Variants in MAST3 observed in about 807,000 individuals in gnomAD.
MAST3 encodes the protein microtubule-associated serine/threonine-protein kinase 3.
In MAST3, 43 loss-of-function variants were observed where a neutral mutation model predicts 127.0. The ratio of observed to expected loss-of-function variants is 0.34; its 90% CI spans 0.27 to 0.44. The LOEUF (loss-of-function observed/expected upper bound fraction) is 0.44. MAST3 is among the 20% of genes least tolerant of loss of function. The pLI, the probability that MAST3 is intolerant of heterozygous loss-of-function variation, is 1.00. For missense variants in MAST3, 1,390 were observed against 1,919.1 expected, an observed-to-expected ratio of 0.72 and a Z score of 5.15; for synonymous variants, 785 against 809.2, an observed-to-expected ratio of 0.97 and a Z score of 0.51.
chr19:18,147,390 A>T, intron 26 of MAST3, 53 bp from the exon 27 acceptor site: 1 of 1,540,932 alleles, frequency 6.5e-7, no homozygotes, highest in African/African-American at 1.4e-5. Context: ...GGTGTGAGCC[A>T]CCATGCCTGG....
At chr19:18,133,265 A>G (rs2041518086) in intron 15 of MAST3, among the ~76,000 whole-genome samples, 1 of 152,166 alleles carries the variant, frequency 6.6e-6, no homozygotes, top group Non-Finnish European at 1.5e-5. Context: ...TTGGGTTTCT[A>G]TATCACATTT....
chr19:18,130,676 T>A lies in MAST3; in HGVS notation c.1406T>A (p.Leu469Gln). 1 of 1,613,966 alleles carries A rather than the reference T, an allele frequency of 6.2e-7. No homozygotes were observed. The highest frequency in any genetic ancestry group is 8.5e-7 in the Non-Finnish European group (1 of 1,179,946). Reference protein sequence around the residue: ...MFCSFETRRHLCMVMEYVEGG... With the variant: ...MFCSFETRRHQCMVMEYVEGG... ...TGCTCCTTTGAGACCCGGCGCCACCTATGTATGGTCATGGAATACGTGGAA... is the reference window on the plus strand; with the variant it reads ...TGCTCCTTTGAGACCCGGCGCCACCAATGTATGGTCATGGAATACGTGGAA... Residue 469 changes from leucine (L) to glutamine (Q), a missense_variant, in exon 14 of 28, where the codon CTA becomes CAA. Around this residue, in one of 5 missense-constraint regions of MAST3, gnomAD observed 191 missense variants for 409.0 expected, o/e 0.47. Coordinates refer to ENST00000687212, the MANE Select transcript of MAST3 (RefSeq NM_001393504.1).
chr19:18,123,337 C>A lies in MAST3; in HGVS notation c.520C>A (p.Arg174=). 1 of 1,613,220 alleles carries A rather than the reference C, an allele frequency of 6.2e-7. No homozygotes were observed. Among genetic ancestry groups the A allele is most frequent in the Non-Finnish European group, 8.5e-7 (1 of 1,179,822 alleles). Reference sequence around the variant, plus strand: ...GAATGTGCTTGATGAGGAAGGCGGCCGGTCACCCCGCCTCCGACCCCGCTC... The same window carrying A: ...GAATGTGCTTGATGAGGAAGGCGGCAGGTCACCCCGCCTCCGACCCCGCTC... ...SENVLDEEGG[R]SPRLRPRSRS... The change falls in exon 7 of 28, where the codon CGG becomes AGG. Residue 174 remains arginine (R), a synonymous_variant. Coordinates refer to ENST00000687212, the MANE Select transcript of MAST3 (RefSeq NM_001393504.1).
intron 1 of MAST3, among the ~76,000 whole-genome samples, chr19:18,099,713 C>A (rs1228490622): frequency 6.6e-6 from 1 of 152,230 alleles, no homozygotes; most frequent in African/African-American, 2.4e-5. Flanking sequence ...GATTCCCCGA[C>A]TGAATGAGGG....
At chr19:18,104,171 C>T (rs1042380895) in intron 1 of MAST3, among the ~76,000 whole-genome samples, 2 of 109,930 alleles carry the variant, frequency 1.8e-5, no homozygotes, top group African/African-American at 7.8e-5. Flanking sequence ...CATAGCCAGA[C>T]GCTGTCTCAA....
intron 19 of MAST3, 78 bp downstream of exon 19, chr19:18,137,439 C>A: frequency 6.8e-7 from 1 of 1,481,032 alleles, no homozygotes. Flanking sequence ...GGGCTGTGTG[C>A]CAGGCATTCC....
intron 13 of MAST3, 182 bp downstream of exon 13, chr19:18,129,133 C>G (rs535387333): frequency 4.4e-5 from 27 of 616,522 alleles, no homozygotes; most frequent in Middle Eastern, 4.1e-4. Context: ...AGGTTACAGC[C>G]TCATGTGTGC....
At position 18,131,120 on chromosome 19, in the gene MAST3, G is replaced by C. The variant is rs558977651; in HGVS notation, c.1432+418G>C. Reference sequence around the variant, plus strand: ...ATTGCTGCCCTGTCGGGGAGAATCAGAAGGCAGGGTCTCAGCTTGGCGCGC... The same window carrying C: ...ATTGCTGCCCTGTCGGGGAGAATCACAAGGCAGGGTCTCAGCTTGGCGCGC... On this transcript the variant is annotated intron_variant, in intron 14 of 27. Coordinates refer to ENST00000687212, the MANE Select transcript of MAST3 (RefSeq NM_001393504.1). 6.0e-4 allele frequency among the ~76,000 whole-genome samples: 92 copies of C among 152,322 alleles called. 1 individual carries two copies. Among genetic ancestry groups the C allele is most frequent in the African/African-American group, 2.1e-3 (87 of 41,586 alleles).
rs1211346937 is a variant in MAST3, at chr19:18,147,044, G to A, written c.3326G>A (p.Arg1109Gln). ...DRCAAVTTRE[R>Q]RKSLFKKISK... ...TGCGCGGCAGTGACCACCAGGGAGC[G>A]GTACACAGGGGGCGGGGCCACGGGG... The change falls in exon 26 of 28, where the codon CGG becomes CAG. Residue 1109 changes from arginine to glutamine, a missense_variant and splice_region_variant. By Grantham distance (43) the Arg-to-Gln change is conservative. Around this residue, in one of 5 missense-constraint regions of MAST3, gnomAD observed 816 missense variants for 934.1 expected, o/e 0.87. Transcript: ENST00000687212. 16 of 1,549,020 alleles carry A rather than the reference G, an allele frequency of 1.0e-5. No homozygotes were observed. The highest frequency in any genetic ancestry group is 2.2e-4 in the Middle Eastern group (1 of 4,482).
intron 27 of MAST3, among the ~76,000 whole-genome samples, 152 bp downstream of exon 27, chr19:18,147,776 A>G (rs934669317): frequency 1.3e-5 from 2 of 152,244 alleles, no homozygotes; most frequent in East Asian, 3.9e-4. Context: ...ACCTGGGAGT[A>G]CTTAGAGACG....
chr19:18,118,748 G>A (rs931383966), intron 3 of MAST3, among the ~76,000 whole-genome samples: 1 of 152,208 alleles, frequency 6.6e-6, no homozygotes, highest in African/African-American at 2.4e-5. Context: ...TTGAAAAGCA[G>A]AGAGGATAAG....
chr19:18,112,579 C>T lies in MAST3; in HGVS notation c.161+1838C>T, dbSNP rs777347416. ...CGAGCTCCCGACCTCAAGTGATTCT[C>T]CCGCCTTGGCCTCTCAAAGTGCTGG... is the stretch of plus-strand genomic sequence containing the variant. On this transcript the variant is annotated intron_variant, in intron 3 of 27. Transcript: ENST00000687212. The surrounding 1 kb of genome is among the most constrained non-coding windows in gnomAD (Gnocchi z 4.1). Among the ~76,000 whole-genome samples the T allele has an allele frequency of 9.2e-5, 14 of 152,304 alleles. No homozygotes were observed. Among genetic ancestry groups the T allele is most frequent in the Admixed American group, 1.3e-4 (2 of 15,278 alleles).
chr19:18,108,911 G>A (rs1430418290), intron 2 of MAST3, among the ~76,000 whole-genome samples: 2 of 152,132 alleles, frequency 1.3e-5, no homozygotes, highest in Admixed American at 1.3e-4. Flanking sequence ...TGAAGCCAGA[G>A]GGGATACAGA....
intron 3 of MAST3, among the ~76,000 whole-genome samples, chr19:18,113,859 C>A (rs1439880388): frequency 6.6e-6 from 1 of 152,192 alleles, no homozygotes; most frequent in Non-Finnish European, 1.5e-5. Context: ...TGGCCTCCCA[C>A]GGTACTGGAA....
chr19:18,134,088 C>T (rs2041631217), intron 15 of MAST3, among the ~76,000 whole-genome samples: 1 of 152,082 alleles, frequency 6.6e-6, no homozygotes, highest in South Asian at 2.1e-4. Context: ...CTCCTGTTTG[C>T]TCCAGCTCTG....
rs559037308 is a variant in MAST3 at position 18,104,060 on chromosome 19, A to C, written c.40-3527A>C. ...AACCTCATCTCTATAAAAAATACAA[A>C]AATTAGCCGGGTGTGGTGGCACATG... On this transcript the variant is annotated intron_variant, in intron 1 of 27. Coordinates refer to ENST00000687212, the MANE Select transcript of MAST3 (RefSeq NM_001393504.1). 4.0e-5 allele frequency among the ~76,000 whole-genome samples: 6 copies of C among 151,866 alleles called. No individual in the cohort carries two copies. In the East Asian group the frequency reaches 1.2e-3, roughly 29 times the overall value.
intron 12 of MAST3, 111 bp from the exon 13 acceptor site, chr19:18,128,755 C>G: frequency 1.2e-6 from 1 of 832,234 alleles, no homozygotes; most frequent in East Asian, 2.5e-5. Context: ...GAAGTTTGGA[C>G]AGGGGAGGAG....
At chr19:18,117,646 G>A (rs2039432211) in intron 3 of MAST3, among the ~76,000 whole-genome samples, 2 of 152,238 alleles carry the variant, frequency 1.3e-5, no homozygotes, top group Admixed American at 1.3e-4. Flanking sequence ...CGGCCAGGAC[G>A]CTGGGGTGGG....
chr19:18,132,164 G>T, intron 15 of MAST3, 117 bp downstream of exon 15: 2 of 1,389,154 alleles, frequency 1.4e-6, no homozygotes. Context: ...CCCTTCAGGA[G>T]CCCCATCTGT....
Sources: allele counts gnomAD v4.1 joint callset (sites outside exome capture counted in the v4.1 genomes callset), GRCh38; gene constraint gnomAD v4.1.1; regional missense constraint gnomAD v4.1.1; non-coding constraint Gnocchi (gnomAD v3.1); transcripts MANE v1.5; gene names NCBI Gene and HGNC (gene_info 2026-07-23, HGNC 2026-07-21).